The following DMD variants were observed in gnomAD, a reference collection of about 807,000 sequenced individuals.
DMD encodes the protein mutant dystrophin.
A neutral mutation model predicts 330.1 loss-of-function variants in DMD; 63 were observed. That is an observed-to-expected ratio of 0.19 (90% CI 0.16 to 0.24). The LOEUF (loss-of-function observed/expected upper bound fraction) is 0.24, where lower values mean the gene tolerates loss of function less well. Among genes scored for constraint, DMD ranks in the 10% least tolerant of loss-of-function variants. The pLI is 1.00. For synonymous variants in DMD, 1,223 were observed against 959.8 expected (o/e 1.27, Z -5.07); for missense variants, 3,344 against 2,684.1 (o/e 1.25, Z -5.43).
At chrX:32,812,338 G>GT (rs2077429731) in intron 6 of DMD, among the ~76,000 whole-genome samples, 3 of 112,323 alleles carry the variant, frequency 2.7e-5, no homozygotes, top group African/African-American at 9.7e-5. Flanking sequence ...TTCTAAAACT[G>GT]TAATTCAAAA....
At chrX:33,280,255 T>A (rs183658915) in intron 1 of DMD, among the ~76,000 whole-genome samples, 120 of 111,918 alleles carry the variant, frequency 1.1e-3, no homozygotes, top group Non-Finnish European at 1.8e-3. Context: ...AGTGATGGTA[T>A]TAACAGGCAC....
At chrX:31,657,882 C>T in intron 54 of DMD, 108 bp downstream of exon 54, 1 of 875,287 alleles carries the variant, frequency 1.1e-6, no homozygotes, top group Admixed American at 2.3e-5. Context: ...TTGAACCCTC[C>T]CAAGCTCCAG....
At chrX:31,293,170 G>GTGTGTGTGTGTGT (rs2053845729) in intron 62 of DMD, among the ~76,000 whole-genome samples, 1 of 86,236 alleles carries the variant, frequency 1.2e-5, no homozygotes, top group Admixed American at 1.4e-4. Context: ...CCCGGTGTGT[G>GTGTGTGTGTGTGT]TGTGTGTGTG....
chrX:32,736,519 A>G (rs1182766117), intron 7 of DMD, among the ~76,000 whole-genome samples: 1 of 110,703 alleles, frequency 9.0e-6, no homozygotes, highest in African/African-American at 3.4e-5. Flanking sequence ...ACCAACCCAA[A>G]TGTCCAACAA....
At position 32,606,321 on chromosome X, in the gene DMD, C is replaced by A. The variant is rs891612194; in HGVS notation, c.1482+7982G>T. Among the ~76,000 whole-genome samples the A allele has an allele frequency of 5.5e-5, 6 of 109,786 alleles. No homozygotes were observed. The Admixed American group carries it at 5.8e-4, about 11-fold the overall frequency. ...GCCTGGCTTATTTCACTTAACATAACGATCTCTAGTTCCATCCACATTGTT... is the reference window on the plus strand; with the variant it reads ...GCCTGGCTTATTTCACTTAACATAAAGATCTCTAGTTCCATCCACATTGTT... On this transcript the variant is annotated intron_variant, in intron 12 of 78. Transcript: ENST00000357033.
intron 60 of DMD, among the ~76,000 whole-genome samples, chrX:31,401,770 G>A (rs1223620319): frequency 2.7e-5 from 3 of 110,833 alleles, no homozygotes; most frequent in Middle Eastern, 4.7e-3. Flanking sequence ...TTTGGGTTTC[G>A]TACAACTTAT....
intron 2 of DMD, among the ~76,000 whole-genome samples, chrX:32,914,450 C>A (rs764045217): frequency 8.9e-6 from 1 of 112,369 alleles, no homozygotes; most frequent in Non-Finnish European, 1.9e-5. Context: ...CAACAGTTTG[C>A]TTTGGCTAAA....
intron 9 of DMD, among the ~76,000 whole-genome samples, chrX:32,685,860 CTG>C (rs1403377896): frequency 8.9e-6 from 1 of 111,737 alleles, no homozygotes; most frequent in African/African-American, 3.3e-5. Context: ...TAAAAAATGA[CTG>C]TATTTCTATT....
chrX:33,037,167 G>A (rs1193492904), intron 1 of DMD, among the ~76,000 whole-genome samples: 3 of 111,529 alleles, frequency 2.7e-5, no homozygotes, highest in Non-Finnish European at 5.7e-5. Flanking sequence ...TTTGGTATAA[G>A]TTATTTGTAG....
At chrX:33,318,519 C>T (rs1346061872) in intron 1 of DMD, among the ~76,000 whole-genome samples, 1 of 107,691 alleles carries the variant, frequency 9.3e-6, no homozygotes, top group Non-Finnish European at 1.9e-5. Flanking sequence ...ACCATTTCCG[C>T]TCACTGCAAC....
At chrX:32,345,861 T>A in intron 39 of DMD, 82 bp downstream of exon 39, 1 of 1,077,400 alleles carries the variant, frequency 9.3e-7, no homozygotes, top group Non-Finnish European at 1.3e-6. Context: ...CTGAAGCAGA[T>A]TTTATTAATG....
chrX:32,381,476 G>A (rs1319980667), intron 33 of DMD, among the ~76,000 whole-genome samples: 2 of 110,898 alleles, frequency 1.8e-5, no homozygotes, highest in East Asian at 5.7e-4. Context: ...TCAGTTGGTT[G>A]GTTTAATAAA....
chrX:32,851,283 C>T (rs908203855), intron 2 of DMD, among the ~76,000 whole-genome samples: 5 of 111,818 alleles, frequency 4.5e-5, no homozygotes, highest in Non-Finnish European at 7.5e-5. Flanking sequence ...ATGATACCTG[C>T]GGCAACCAAC....
intron 37 of DMD, among the ~76,000 whole-genome samples, chrX:32,355,808 G>A (rs915951879): frequency 9.1e-6 from 1 of 110,467 alleles, no homozygotes; most frequent in African/African-American, 3.3e-5. Context: ...CATATTTAAT[G>A]CTCTACAAAT....
At chrX:31,781,339 C>A (rs1261800946) in intron 50 of DMD, among the ~76,000 whole-genome samples, 5 of 112,071 alleles carry the variant, frequency 4.5e-5, no homozygotes, top group African/African-American at 1.6e-4. Flanking sequence ...TCTTACATGT[C>A]TCATTCAATA....
chrX:31,654,734 A>C (rs1475618290), intron 54 of DMD, among the ~76,000 whole-genome samples: 1 of 110,873 alleles, frequency 9.0e-6, no homozygotes, highest in Non-Finnish European at 1.9e-5. Flanking sequence ...CGTAGAGGGG[A>C]ACAACACATG....
chrX:32,889,367 G>C (rs1199593710), intron 2 of DMD, among the ~76,000 whole-genome samples: 1 of 110,606 alleles, frequency 9.0e-6, no homozygotes, highest in Non-Finnish European at 1.9e-5. Context: ...ATATGAAAGG[G>C]CCTACAACTT....
chrX:32,490,180 C>A (rs375548593), intron 20 of DMD, among the ~76,000 whole-genome samples: 1 of 111,420 alleles, frequency 9.0e-6, no homozygotes, highest in African/African-American at 3.3e-5. Flanking sequence ...TTACAGTATG[C>A]AAATGAATCT....
chrX:31,403,549 A>C (rs7062234), intron 60 of DMD, among the ~76,000 whole-genome samples: 15,723 of 111,577 alleles, frequency 0.14, 834 homozygotes, highest in Admixed American at 0.2. Flanking sequence ...TCCTTTGTTC[A>C]GTGGATATAA....
Sources: allele counts gnomAD v4.1 joint callset (sites outside exome capture counted in the v4.1 genomes callset), GRCh38; gene constraint gnomAD v4.1.1; transcripts MANE v1.5; gene names NCBI Gene and HGNC (gene_info 2026-07-23, HGNC 2026-07-21).